LAMA4: variants seen among roughly 807,000 people sequenced by gnomAD.
LAMA4 encodes laminin subunit alpha-4.
LAMA4 carries 127 observed loss-of-function variants against 207.1 expected under a neutral mutation model. The ratio of observed to expected loss-of-function variants is 0.61; its 90% confidence interval spans 0.53 to 0.71. The LOEUF is 0.71. LAMA4 is among the 30% of genes least tolerant of loss of function. The pLI, the probability that LAMA4 is intolerant of heterozygous loss-of-function variation, is 0.00. For missense variants in LAMA4, 2,093 were observed against 2,246.5 expected (o/e 0.93, Z 1.38); for synonymous variants, 761 against 816.0 (o/e 0.93, Z 1.15).
intron 2 of LAMA4, chr6:112,219,475 T>G (rs1259883970): frequency 6.6e-5 from 10 of 152,218 alleles, no homozygotes; most frequent in Admixed American, 2.6e-4. Flanking sequence ...GAGAAGCCTG[T>G]CCTATACTAG....
intron 13 of LAMA4, 61 bp from the exon 14 acceptor site, chr6:112,158,941 G>A (rs2114798372): frequency 8.7e-7 from 1 of 1,152,920 alleles, no homozygotes; most frequent in Admixed American, 1.9e-5. Flanking sequence ...ATTTTTCCTA[G>A]GCACCAAAAG....
intron 2 of LAMA4, among the ~76,000 whole-genome samples, chr6:112,243,142 C>T (rs1583999145): frequency 6.6e-6 from 1 of 152,288 alleles, no homozygotes; most frequent in Middle Eastern, 3.4e-3. Context: ...TCATTGACCA[C>T]ATGGAGACAC....
intron 2 of LAMA4, chr6:112,253,506 G>C: frequency 6.9e-6 from 3 of 437,502 alleles, no homozygotes; most frequent in South Asian, 6.5e-5. Flanking sequence ...TGCTGCAGAA[G>C]ACTTCTTGTC....
At chr6:112,206,556 G>C (rs1471579285) in intron 4 of LAMA4, among the ~76,000 whole-genome samples, 2 of 152,134 alleles carry the variant, frequency 1.3e-5, no homozygotes, top group Non-Finnish European at 2.9e-5. Context: ...TCTGTGAGCT[G>C]ATTGGCCTAA....
chr6:112,126,019 T>C (rs1439522060), intron 31 of LAMA4, among the ~76,000 whole-genome samples: 1 of 152,212 alleles, frequency 6.6e-6, no homozygotes, highest in East Asian at 1.9e-4. Context: ...AAAATATAAT[T>C]GAAATCTATG....
chr6:112,251,510 T>C (rs1467587125), intron 2 of LAMA4: 1 of 152,248 alleles, frequency 6.6e-6, no homozygotes, highest in African/African-American at 2.4e-5. Context: ...AGAGAATGTA[T>C]TTTTAGAATA....
chr6:112,134,829 G>A (rs569395914), intron 25 of LAMA4, among the ~76,000 whole-genome samples: 25 of 152,214 alleles, frequency 1.6e-4, no homozygotes, highest in African/African-American at 6.0e-4. Flanking sequence ...AAGGAGGTCT[G>A]TATGAAGAGG....
intron 27 of LAMA4, 100 bp downstream of exon 27, chr6:112,133,249 G>C: frequency 7.8e-7 from 1 of 1,288,734 alleles, no homozygotes; most frequent in Non-Finnish European, 1.1e-6. Context: ...GGAACCCAAG[G>C]TGTACCTAGG....
chr6:112,236,760 A>G (rs1785954624), intron 2 of LAMA4: 2 of 152,028 alleles, frequency 1.3e-5, no homozygotes, highest in Non-Finnish European at 2.9e-5. Flanking sequence ...TTTGATGCTT[A>G]TTTTCTTGAT....
At chr6:112,134,385 T>A in intron 26 of LAMA4, 82 bp downstream of exon 26, 4 of 1,397,478 alleles carry the variant, frequency 2.9e-6, no homozygotes, top group Non-Finnish European at 4.1e-6. Context: ...TAAGGGTGCG[T>A]ACACTGTTAC....
chr6:112,192,828 C>T (rs1256640962), intron 5 of LAMA4, among the ~76,000 whole-genome samples: 2 of 152,204 alleles, frequency 1.3e-5, no homozygotes, highest in African/African-American at 2.4e-5. Flanking sequence ...GCCTGTAGGC[C>T]CCATGTAAGG....
Position 112,216,350 on chromosome 6 carries a change from A to G in LAMA4, c.297+18T>C. On this transcript the variant is annotated intron_variant, in intron 3 of 38. Transcript: ENST00000230538. Reference sequence around the variant, plus strand: ...TGCCCAGTGAAGTACGTGAAGTGTTATAGGTGCCCCAACTTACCACACAGT... The same window carrying G: ...TGCCCAGTGAAGTACGTGAAGTGTTGTAGGTGCCCCAACTTACCACACAGT... 6.6e-7 allele frequency: 1 copy of G among 1,521,638 alleles called. No homozygotes were observed. Among genetic ancestry groups the G allele is most frequent in the Non-Finnish European group, 9.1e-7 (1 of 1,095,804 alleles). The allele number at this position is 1,521,638 out of a possible 1,614,324, so 94.3% of individuals were successfully genotyped here. A position where few individuals can be genotyped will look rare whatever the true frequency, so the allele number is the denominator to read the frequency against.
intron 2 of LAMA4, among the ~76,000 whole-genome samples, chr6:112,235,156 T>C (rs150855387): frequency 3.3e-5 from 5 of 152,276 alleles, no homozygotes; most frequent in African/African-American, 4.8e-5. Context: ...TTGCAGACCA[T>C]GTGGGGCTGC....
At chr6:112,243,359 A>T (rs1786665987) in intron 2 of LAMA4, among the ~76,000 whole-genome samples, 1 of 152,214 alleles carries the variant, frequency 6.6e-6, no homozygotes, top group African/African-American at 2.4e-5. Flanking sequence ...AACTAGGGCA[A>T]CAGCTATGAC....
chr6:112,204,426 AT>A (rs1351964728), intron 4 of LAMA4, among the ~76,000 whole-genome samples: 1 of 152,084 alleles, frequency 6.6e-6, no homozygotes, highest in Non-Finnish European at 1.5e-5. Flanking sequence ...GAACAGCATA[AT>A]TAGAAAGAAC....
At chr6:112,226,489 A>C (rs550945834) in intron 2 of LAMA4, among the ~76,000 whole-genome samples, 2 of 152,264 alleles carry the variant, frequency 1.3e-5, no homozygotes, top group Non-Finnish European at 2.9e-5. Flanking sequence ...ATTTCCCTAG[A>C]CTTTCAGACT....
intron 2 of LAMA4, among the ~76,000 whole-genome samples, chr6:112,240,630 A>G (rs1227967551): frequency 6.6e-6 from 1 of 152,176 alleles, no homozygotes; most frequent in Non-Finnish European, 1.5e-5. Context: ...TAGATCCCAC[A>G]AATAAGTGAG....
chr6:112,214,512 T>C (rs1164052671), intron 3 of LAMA4, among the ~76,000 whole-genome samples: 2 of 152,192 alleles, frequency 1.3e-5, no homozygotes, highest in African/African-American at 4.8e-5. Flanking sequence ...ATCTGTTTAA[T>C]AGGAAAATTA....
chr6:112,131,245 C>A, intron 28 of LAMA4, 144 bp from the exon 29 acceptor site: 1 of 742,538 alleles, frequency 1.3e-6, no homozygotes, highest in South Asian at 1.5e-5. Flanking sequence ...TAAATAACAA[C>A]CAAGAATACC....
Sources: gnomAD v4.1 joint callset for allele counts (sites outside exome capture counted in the v4.1 genomes callset) on GRCh38, gnomAD v4.1.1 for gene constraint, MANE v1.5 for transcripts, NCBI Gene and HGNC (gene_info 2026-07-23, HGNC 2026-07-21) for gene names.